NBAS: variants seen among roughly 807,000 people sequenced by gnomAD.
NBAS encodes NAG/BC035112 fusion.
NBAS carries 219 observed loss-of-function variants against 302.5 expected under a neutral mutation model. The ratio of observed to expected loss-of-function variants is 0.72; its 90% confidence interval spans 0.65 to 0.81. The LOEUF is 0.81. Among genes scored for constraint, NBAS ranks in the 30% least tolerant of loss-of-function variants. The pLI is 0.00. For missense variants in NBAS, 2,932 were observed against 2,841.6 expected (o/e 1.03, Z -0.72); for synonymous variants, 1,118 against 1,021.6 (o/e 1.09, Z -1.80).
At chr2:15,468,653 C>T (rs1047848290) in intron 16 of NBAS, 120 bp from the exon 17 acceptor site, 1 of 1,161,884 alleles carries the variant, frequency 8.6e-7, no homozygotes, top group African/African-American at 1.5e-5. Flanking sequence ...GGACCTTGGC[C>T]ATAGGGAGCT....
chr2:14,954,333 G>A, the NBAS span, among the ~76,000 whole-genome samples: 1 of 152,300 alleles, frequency 6.6e-6, no homozygotes, highest in African/African-American at 2.4e-5. Context: ...TGCCTGCACG[G>A]GGGAATCAAG....
At chr2:15,014,076 A>C in the NBAS span, among the ~76,000 whole-genome samples, 1 of 152,152 alleles carries the variant, frequency 6.6e-6, no homozygotes, top group Non-Finnish European at 1.5e-5. Flanking sequence ...ATAGGAATAA[A>C]GGGATAGATT....
intron 12 of NBAS, among the ~76,000 whole-genome samples, chr2:15,478,808 T>C (rs544093824): frequency 2.6e-5 from 4 of 152,310 alleles, no homozygotes; most frequent in South Asian, 2.1e-4. Flanking sequence ...CCATTCATAC[T>C]GTAATCTTAG....
intron 47 of NBAS, among the ~76,000 whole-genome samples, chr2:15,226,037 A>G (rs558821884): frequency 1.3e-5 from 2 of 152,362 alleles, no homozygotes; most frequent in South Asian, 2.1e-4. Context: ...CTGTATTTTA[A>G]TAAGATCTCC....
the NBAS span, among the ~76,000 whole-genome samples, chr2:14,999,196 C>T: frequency 5.7e-4 from 86 of 151,994 alleles, no homozygotes; most frequent in Non-Finnish European, 1.1e-3. Context: ...AGTTAACCTT[C>T]CCTCTCTCGG....
chr2:15,396,340 A>T, intron 27 of NBAS, 73 bp downstream of exon 27: 2 of 1,240,590 alleles, frequency 1.6e-6, no homozygotes, highest in South Asian at 1.4e-5. Flanking sequence ...TCACAGGCAG[A>T]CTTAATGTGA....
the NBAS span, among the ~76,000 whole-genome samples, chr2:14,863,842 C>G: frequency 6.6e-6 from 1 of 152,216 alleles, no homozygotes; most frequent in Non-Finnish European, 1.5e-5. Context: ...AAGCTTACTA[C>G]CTTCCTGCAG....
chr2:15,265,079 T>C (rs6750472), intron 44 of NBAS, among the ~76,000 whole-genome samples: 4,156 of 152,306 alleles, frequency 0.027, 204 homozygotes, highest in African/African-American at 0.095. Flanking sequence ...TCATAGCATA[T>C]GGTCCATTTG....
At chr2:15,305,020 T>TTAA (rs1670965171) in intron 40 of NBAS, among the ~76,000 whole-genome samples, 1 of 152,162 alleles carries the variant, frequency 6.6e-6, no homozygotes, top group Admixed American at 6.5e-5. Context: ...TTTGGGTTAG[T>TTAA]GCTAGAACAA....
chr2:15,317,807 A>G (rs1159053700), intron 38 of NBAS, among the ~76,000 whole-genome samples: 1 of 152,240 alleles, frequency 6.6e-6, no homozygotes, highest in Non-Finnish European at 1.5e-5. Flanking sequence ...GAATGGAAAC[A>G]AGTTGGAAAA....
chr2:15,438,597 C>T (rs1250711450), intron 21 of NBAS, among the ~76,000 whole-genome samples: 1 of 152,170 alleles, frequency 6.6e-6, no homozygotes, highest in East Asian at 1.9e-4. Context: ...AAAGTGAGCC[C>T]AGCAGCGCCC....
At chr2:15,219,326 T>C (rs1299140266) in intron 47 of NBAS, among the ~76,000 whole-genome samples, 1 of 151,604 alleles carries the variant, frequency 6.6e-6, no homozygotes, top group Non-Finnish European at 1.5e-5. Context: ...CTTTTCTTTT[T>C]TTTTAATTTT....
chr2:15,034,267 A>AGAAG, the NBAS span, among the ~76,000 whole-genome samples: 1 of 100,012 alleles, frequency 1.0e-5, no homozygotes, highest in African/African-American at 4.3e-5. Context: ...AAAGAAAGAA[A>AGAAG]GAAAGAAAGA....
At chr2:14,950,340 T>C in the NBAS span, among the ~76,000 whole-genome samples, 1 of 152,228 alleles carries the variant, frequency 6.6e-6, no homozygotes, top group South Asian at 2.1e-4. Context: ...CAAGTGCTGT[T>C]AATTCATTCC....
the NBAS span, among the ~76,000 whole-genome samples, chr2:15,078,798 G>A: frequency 1.3e-5 from 2 of 152,278 alleles, no homozygotes; most frequent in Non-Finnish European, 2.9e-5. Flanking sequence ...CACAGATGAC[G>A]ACTTTTATCA....
downstream of NBAS, among the ~76,000 whole-genome samples, chr2:15,164,265 T>C (rs545380308): frequency 2.0e-5 from 3 of 152,308 alleles, no homozygotes; most frequent in South Asian, 4.1e-4. Flanking sequence ...GAGTGTGTCA[T>C]TCAAATGCCC....
chr2:15,253,001 G>A (rs1668432157), intron 44 of NBAS, among the ~76,000 whole-genome samples: 1 of 152,188 alleles, frequency 6.6e-6, no homozygotes, highest in Non-Finnish European at 1.5e-5. Context: ...AGCAGAACTT[G>A]AAGCATCAGC....
intron 21 of NBAS, among the ~76,000 whole-genome samples, chr2:15,448,958 C>T (rs1244074859): frequency 3.3e-5 from 5 of 152,044 alleles, no homozygotes; most frequent in African/African-American, 1.2e-4. Flanking sequence ...GAAGATGTTA[C>T]GATCTATGTA....
the NBAS span, among the ~76,000 whole-genome samples, chr2:14,885,235 C>T: frequency 3.7e-3 from 566 of 152,114 alleles, 5 homozygotes; most frequent in Non-Finnish European, 5.3e-3. Context: ...AATGGTAGCT[C>T]GGACTAGAGT....
Sources: gnomAD v4.1 joint callset for allele counts (sites outside exome capture counted in the v4.1 genomes callset) on GRCh38, gnomAD v4.1.1 for gene constraint, MANE v1.5 for transcripts, NCBI Gene and HGNC (gene_info 2026-07-23, HGNC 2026-07-21) for gene names.